CFAP97: variants seen among roughly 807,000 people sequenced by gnomAD.
CFAP97 encodes cilia and flagella associated protein 97, also known as cilia- and flagella-associated protein 97.
CFAP97 carries 36 observed loss-of-function variants against 43.1 expected under a neutral mutation model. The ratio of observed to expected loss-of-function variants is 0.84; its 90% CI spans 0.64 to 1.10. The LOEUF (loss-of-function observed/expected upper bound fraction) is 1.10, where lower values mean the gene tolerates loss of function less well. Among genes scored for constraint, CFAP97 ranks in the 50% least tolerant of loss-of-function variants. The pLI is 0.00. For synonymous variants in CFAP97, 228 were observed against 225.7 expected (o/e 1.01, Z -0.09); for missense variants, 657 against 620.3 (o/e 1.06, Z -0.63).
intron 4 of CFAP97, 126 bp downstream of exon 4, chr4:185,163,903 C>A: frequency 1.3e-6 from 1 of 790,516 alleles, no homozygotes; most frequent in South Asian, 2.1e-5. Flanking sequence ...CAAAACATGA[C>A]AGTGGGAAAT....
Position 185,159,973 on chromosome 4 carries a change from T to C in CFAP97, c.*2825A>G, listed in dbSNP as rs866264512. On this transcript the variant is annotated 3_prime_UTR_variant, in exon 5 of 5. Coordinates refer to ENST00000458385, the MANE Select transcript of CFAP97 (RefSeq NM_020827.3). The stretch of plus-strand genomic sequence containing the variant: ...AACATGTTTCATAGTTTGCAGTATT[T>C]GAAGAATCTGAAGATGACAGGCACA... 1.5e-4 allele frequency: 23 copies of C among 152,346 alleles called. No homozygotes were observed. The highest frequency in any genetic ancestry group is 5.3e-4 in the African/African-American group (22 of 41,592). 9.4% of individuals were successfully genotyped at this position (152,346 alleles called of 1,614,324 possible).
upstream of CFAP97, chr4:185,209,961 A>G (rs911683082): frequency 5.3e-5 from 52 of 982,912 alleles, no homozygotes; most frequent in Non-Finnish European, 6.3e-5. This position sits in a 1 kb window ranked among gnomAD's most constrained non-coding sequence, Gnocchi z 5.2. Flanking sequence ...AGGCAGCAGC[A>G]GCGGCGGCGC....
chr4:185,209,906 C>T (rs1737467089), upstream of CFAP97: 1 of 983,160 alleles, frequency 1.0e-6, no homozygotes, highest in South Asian at 4.7e-5. This position sits in a 1 kb window ranked among gnomAD's most constrained non-coding sequence, Gnocchi z 5.2. Flanking sequence ...CGTCCTGTCT[C>T]GGGCTTCAGG....
rs1451362598 is a variant in CFAP97, at chr4:185,161,596, C to T, written c.*1202G>A. On this transcript the variant is annotated 3_prime_UTR_variant, in exon 5 of 5. Transcript: ENST00000458385. ...CTTTGTTATATAAAAGCCTAAGTTTCATAGAAAAAAAATTCTAATTTGAAA... is the reference window on the plus strand; with the variant it reads ...CTTTGTTATATAAAAGCCTAAGTTTTATAGAAAAAAAATTCTAATTTGAAA... The T allele has an allele frequency of 6.6e-6, 1 of 152,112 alleles. No individual in the cohort carries two copies. The allele number at this position is 152,112 out of a possible 1,614,324, so 9.4% of individuals were successfully genotyped here. A position where few individuals can be genotyped will look rare whatever the true frequency, so the allele number is the denominator to read the frequency against.
Position 185,161,316 on chromosome 4 carries a change from A to C in CFAP97, c.*1482T>G, listed in dbSNP as rs1399402308. 1 of 152,204 alleles carries C rather than the reference A, an allele frequency of 6.6e-6. No homozygotes were observed. Among genetic ancestry groups the C allele is most frequent in the Non-Finnish European group, 1.5e-5 (1 of 68,030 alleles). 9.4% of individuals were successfully genotyped at this position (152,204 alleles called of 1,614,324 possible). ...TTAACAAAATCTATGAATACAAACT[A>C]AATCCAAGACATGTTGAATTGATGT... is the stretch of plus-strand genomic sequence containing the variant. On this transcript the variant is annotated 3_prime_UTR_variant, in exon 5 of 5. Transcript: ENST00000458385.
chr4:185,164,033 T>C lies in CFAP97; in HGVS notation c.1467A>G (p.Pro489=). 6.2e-7 allele frequency: 1 copy of C among 1,610,754 alleles called. No individual in the cohort carries two copies. The highest frequency in any genetic ancestry group is 1.1e-5 in the South Asian group (1 of 89,794). Residue 489 remains proline, a synonymous_variant, in exon 4 of 5, where the codon CCA becomes CCG. Coordinates refer to ENST00000458385, the MANE Select transcript of CFAP97 (RefSeq NM_020827.3). ...RARSTLGQYS[P]LRASRTSSAT... ...AATAATTTCCAAAATGCTTACTTAA[T>C]GGGCTATATTGGCCAAGAGTGGATC... is the stretch of plus-strand genomic sequence containing the variant.
chr4:185,175,742 T>G lies in CFAP97; in HGVS notation c.1320+44A>C, dbSNP rs550995432. On this transcript the variant is annotated intron_variant, in intron 3 of 4. Transcript: ENST00000458385. ...CCTGTAAGCTGGACATACAAATCAGTGCAAACACATTTTCTTTGATGACTA... is the reference window on the plus strand; with the variant it reads ...CCTGTAAGCTGGACATACAAATCAGGGCAAACACATTTTCTTTGATGACTA... The G allele has an allele frequency of 2.2e-5, 35 of 1,579,690 alleles. 1 individual carries two copies. The East Asian group carries it at 7.8e-4, about 35-fold the overall frequency.
At chr4:185,199,764 C>T (rs981344198) in intron 1 of CFAP97, among the ~76,000 whole-genome samples, 2 of 152,190 alleles carry the variant, frequency 1.3e-5, no homozygotes, top group African/African-American at 4.8e-5. Flanking sequence ...GCCCAAATGA[C>T]AGCACACCTA....
intron 1 of CFAP97, among the ~76,000 whole-genome samples, chr4:185,192,917 G>T (rs3108233): frequency 0.49 from 73,904 of 150,982 alleles, 18,460 homozygotes; most frequent in East Asian, 0.59. Flanking sequence ...ATTTTTTGTA[G>T]TTTTAGTAGA....
chr4:185,195,330 T>C (rs543960094), intron 1 of CFAP97, among the ~76,000 whole-genome samples: 45 of 151,874 alleles, frequency 3.0e-4, no homozygotes, highest in African/African-American at 1.1e-3. Flanking sequence ...AATTAAAAAA[T>C]AAAAATTAGC....
At position 185,190,868 on chromosome 4, in the gene CFAP97, A is replaced by G; in HGVS notation, c.329T>C (p.Leu110Pro). 6.2e-7 allele frequency: 1 copy of G among 1,612,346 alleles called. No homozygotes were observed. Among genetic ancestry groups the G allele is most frequent in the South Asian group, 1.1e-5 (1 of 90,772 alleles). The change falls in exon 2 of 5, where the codon CTT becomes CCT. Residue 110 changes from leucine to proline, a missense_variant. By Grantham distance (98) the Leu-to-Pro change is moderately conservative. Coordinates refer to ENST00000458385, the MANE Select transcript of CFAP97 (RefSeq NM_020827.3). ...ATTTGGAATGGACACGTGTATTTTA[A>G]GTCCTGTTGTAACATCACACAATTT... is the stretch of plus-strand genomic sequence containing the variant. ...SKKLCDVTTG[L>P]KIHVSIPNRI...
intron 2 of CFAP97, among the ~76,000 whole-genome samples, chr4:185,185,545 T>C (rs1316668723): frequency 1.3e-5 from 2 of 152,146 alleles, no homozygotes; most frequent in African/African-American, 4.8e-5. Flanking sequence ...CACCATGAGT[T>C]TGACAGCTTC....
intron 1 of CFAP97, among the ~76,000 whole-genome samples, chr4:185,197,643 G>A (rs1178522446): frequency 6.6e-6 from 1 of 152,144 alleles, no homozygotes; most frequent in African/African-American, 2.4e-5. Context: ...AGCCAGGATG[G>A]TCTTGATCTC....
chr4:185,174,493 C>T (rs1251366401), intron 3 of CFAP97, among the ~76,000 whole-genome samples: 1 of 152,074 alleles, frequency 6.6e-6, no homozygotes, highest in Non-Finnish European at 1.5e-5. Flanking sequence ...AAGAAATGTA[C>T]AAAAGAGTTG....
upstream of CFAP97, among the ~76,000 whole-genome samples, chr4:185,205,631 C>G (rs1043044539): frequency 6.6e-6 from 1 of 152,136 alleles, no homozygotes; most frequent in Non-Finnish European, 1.5e-5. Flanking sequence ...GAGTTCCAGA[C>G]CAGCCTGGCC....
chr4:185,188,846 A>G (rs957778817), intron 2 of CFAP97, among the ~76,000 whole-genome samples: 2 of 152,184 alleles, frequency 1.3e-5, no homozygotes, highest in African/African-American at 4.8e-5. Flanking sequence ...GACTTAGCCA[A>G]TAAGAGTGTG....
intron 1 of CFAP97, among the ~76,000 whole-genome samples, chr4:185,203,268 GC>G (rs1736989840): frequency 6.6e-6 from 1 of 152,188 alleles, no homozygotes; most frequent in South Asian, 2.1e-4. Context: ...CACTGGGCAC[GC>G]CCCACTTGCC....
intron 2 of CFAP97, among the ~76,000 whole-genome samples, chr4:185,188,212 A>G (rs1307171851): frequency 3.3e-5 from 5 of 151,970 alleles, no homozygotes; most frequent in Non-Finnish European, 5.9e-5. Flanking sequence ...TATTATTTTA[A>G]TAATAACATC....
At chr4:185,187,966 G>C (rs1398615645) in intron 2 of CFAP97, among the ~76,000 whole-genome samples, 1 of 151,398 alleles carries the variant, frequency 6.6e-6, no homozygotes, top group South Asian at 2.1e-4. Flanking sequence ...GCGTGATCTC[G>C]GCTAACTGCA....
Sources: allele counts gnomAD v4.1 joint callset (sites outside exome capture counted in the v4.1 genomes callset), GRCh38; gene constraint gnomAD v4.1.1; non-coding constraint Gnocchi (gnomAD v3.1); transcripts MANE v1.5; gene names NCBI Gene and HGNC (gene_info 2026-07-23, HGNC 2026-07-21).